Variants in ZNF385D observed in about 807,000 individuals in gnomAD.
ZNF385D encodes the protein zinc finger protein 385D.
Under a neutral mutation model 35.8 loss-of-function variants are expected in ZNF385D, and 15 were observed. The observed-to-expected ratio is 0.42, with a 90% confidence interval of 0.28 to 0.64. The LOEUF (loss-of-function observed/expected upper bound fraction) is 0.64, where lower values mean the gene tolerates loss of function less well. ZNF385D is among the 30% of genes least tolerant of loss of function. ZNF385D has a pLI of 0.23. For synonymous variants in ZNF385D, 212 were observed against 186.8 expected (o/e 1.13, Z -1.10); for missense variants, 474 against 494.6 (o/e 0.96, Z 0.39).
chr3:22,049,056 C>A lies in ZNF385D; in HGVS notation c.325+119761G>T, dbSNP rs80259150. ...TCAGGCCTGTAATCCCAGCACTGTGCGAGGCCTATGTGGGTGGATAATTTC... is the reference window on the plus strand; with the variant it reads ...TCAGGCCTGTAATCCCAGCACTGTGAGAGGCCTATGTGGGTGGATAATTTC... On this transcript the variant is annotated intron_variant, in intron 3 of 5. Transcript: ENST00000494108. Among the ~76,000 whole-genome samples the A allele has an allele frequency of 3.1e-3, 466 of 151,876 alleles. 1 individual carries two copies. The highest frequency in any genetic ancestry group is 3.2e-3 in the Non-Finnish European group (220 of 67,950).
chr3:22,108,337 G>T (rs188921749), intron 3 of ZNF385D, among the ~76,000 whole-genome samples: 1 of 151,884 alleles, frequency 6.6e-6, no homozygotes, highest in Non-Finnish European at 1.5e-5. Context: ...TATTAACACA[G>T]AAACTATACA....
chr3:22,142,243 TA>T (rs903161330), intron 3 of ZNF385D, among the ~76,000 whole-genome samples: 4 of 152,100 alleles, frequency 2.6e-5, no homozygotes, highest in Admixed American at 1.3e-4. Flanking sequence ...TGTTTTTAAC[TA>T]AAAAAAATTT....
chr3:22,145,774 A>C (rs957693810), intron 3 of ZNF385D, among the ~76,000 whole-genome samples: 35 of 152,224 alleles, frequency 2.3e-4, no homozygotes, highest in African/African-American at 8.0e-4. Context: ...TTCAGAGAGT[A>C]GAGAGCCTAA....
intron 3 of ZNF385D, among the ~76,000 whole-genome samples, chr3:22,006,764 T>C (rs879721712): frequency 6.6e-6 from 1 of 151,942 alleles, no homozygotes; most frequent in Non-Finnish European, 1.5e-5. Context: ...TAAACATCTC[T>C]TGAAATATAT....
chr3:21,442,263 A>G (rs1701900478), intron 4 of ZNF385D, among the ~76,000 whole-genome samples: 1 of 152,154 alleles, frequency 6.6e-6, no homozygotes, highest in South Asian at 2.1e-4. Flanking sequence ...TGGAAAAACC[A>G]TAGGTGAGTT....
intron 3 of ZNF385D, among the ~76,000 whole-genome samples, chr3:21,927,407 TG>T (rs1336247330): frequency 7.2e-5 from 11 of 152,192 alleles, no homozygotes; most frequent in African/African-American, 2.7e-4. Context: ...CATAAAAATC[TG>T]TGTGCAACAG....
At chr3:22,333,234 G>C (rs1695017942) in intron 2 of ZNF385D, among the ~76,000 whole-genome samples, 1 of 152,036 alleles carries the variant, frequency 6.6e-6, no homozygotes, top group African/African-American at 2.4e-5. Flanking sequence ...ATTTTTCTCA[G>C]CCGCTGGCTT....
At chr3:22,019,684 G>A (rs1697109816) in intron 3 of ZNF385D, among the ~76,000 whole-genome samples, 1 of 151,828 alleles carries the variant, frequency 6.6e-6, no homozygotes, top group African/African-American at 2.4e-5. Context: ...ATCCCCCAAA[G>A]TTCTGGTTAA....
chr3:22,123,928 C>A lies in ZNF385D; in HGVS notation c.325+44889G>T, dbSNP rs990167635. ...AAAACTAGAGCTAGACTCCATCTCTCTCTCTCTCTCTCTCTCTCTCTCTCT... is the reference window on the plus strand; with the variant it reads ...AAAACTAGAGCTAGACTCCATCTCTATCTCTCTCTCTCTCTCTCTCTCTCT... On this transcript the variant is annotated intron_variant, in intron 3 of 5. Coordinates refer to the ZNF385D transcript ENST00000494108. Among the ~76,000 whole-genome samples the A allele has an allele frequency of 3.8e-3, 232 of 60,704 alleles. 1 individual carries two copies. The highest frequency in any genetic ancestry group is 0.012 in the African/African-American group (217 of 17,946). 39.8% of individuals were successfully genotyped at this position (60,704 alleles called of 152,430 possible). A position where few individuals can be genotyped will look rare whatever the true frequency, so the allele number is the denominator to read the frequency against.
intron 3 of ZNF385D, among the ~76,000 whole-genome samples, chr3:21,837,656 G>A (rs1237768311): frequency 4.6e-5 from 7 of 152,022 alleles, no homozygotes; most frequent in Non-Finnish European, 8.8e-5. Flanking sequence ...GGCAGATCAC[G>A]AGGTTAAGAG....
In ZNF385D at chr3:21,664,964, T is replaced by C. The variant is rs1446733311; in HGVS notation, c.87A>G (p.Pro29=). 4.3e-6 allele frequency: 7 copies of C among 1,613,436 alleles called. No individual in the cohort carries two copies. Among genetic ancestry groups the C allele is most frequent in the African/African-American group, 1.3e-5 (1 of 74,840 alleles). ...LVRPPAPPLQ[P]SLDIKPFLPF... Reference sequence around the variant, plus strand: ...GAAGAAATGGTTTAATATCCAGCGATGGTTGCAAAGGAGGGGCTGGTGGAC... The same window carrying C: ...GAAGAAATGGTTTAATATCCAGCGACGGTTGCAAAGGAGGGGCTGGTGGAC... The change falls in exon 2 of 8, where the codon CCA becomes CCG. Residue 29 remains proline, a synonymous_variant. Transcript: ENST00000281523.
chr3:21,930,653 A>C (rs1223921283), intron 3 of ZNF385D, among the ~76,000 whole-genome samples: 3 of 152,180 alleles, frequency 2.0e-5, no homozygotes, highest in East Asian at 1.9e-4. Context: ...CAGAACTAAG[A>C]TGAGAAATTA....
At chr3:21,671,305 A>G (rs1242216155) in intron 1 of ZNF385D, among the ~76,000 whole-genome samples, 2 of 152,090 alleles carry the variant, frequency 1.3e-5, no homozygotes, top group Non-Finnish European at 2.9e-5. Context: ...TCCTTTCCAA[A>G]TTTAAGAATA....
chr3:22,294,078 G>T (rs1381971351), intron 2 of ZNF385D, among the ~76,000 whole-genome samples: 1 of 151,738 alleles, frequency 6.6e-6, no homozygotes, highest in East Asian at 1.9e-4. Context: ...ATTTGGAGGA[G>T]GAGGAATGTT....
At chr3:22,368,746 C>A (rs767330781) in intron 2 of ZNF385D, among the ~76,000 whole-genome samples, 3 of 152,190 alleles carry the variant, frequency 2.0e-5, no homozygotes, top group Non-Finnish European at 2.9e-5. Context: ...TAACCCGAAT[C>A]ATTTCTCAAA....
At chr3:22,180,575 A>G (rs1202136571) in intron 2 of ZNF385D, among the ~76,000 whole-genome samples, 2 of 152,178 alleles carry the variant, frequency 1.3e-5, no homozygotes, top group East Asian at 1.9e-4. Flanking sequence ...AACATCAAAA[A>G]GCTTATCCAC....
intron 3 of ZNF385D, among the ~76,000 whole-genome samples, chr3:21,805,944 T>C (rs1352975606): frequency 6.6e-6 from 1 of 152,204 alleles, no homozygotes; most frequent in Non-Finnish European, 1.5e-5. Flanking sequence ...AAGATGGCAA[T>C]CTGGGAGAGG....
chr3:21,702,873 C>T (rs1257075909), intron 1 of ZNF385D, among the ~76,000 whole-genome samples: 1 of 152,182 alleles, frequency 6.6e-6, no homozygotes, highest in African/African-American at 2.4e-5. Flanking sequence ...GAGACCACCT[C>T]AACCTGGACC....
At chr3:21,965,963 A>G (rs1383845429) in intron 3 of ZNF385D, among the ~76,000 whole-genome samples, 1 of 152,170 alleles carries the variant, frequency 6.6e-6, no homozygotes, top group African/African-American at 2.4e-5. Context: ...ATTCTTGTAA[A>G]TTTTCTGTAA....
Sources: allele counts gnomAD v4.1 joint callset (sites outside exome capture counted in the v4.1 genomes callset), GRCh38; gene constraint gnomAD v4.1.1; transcripts MANE v1.5; gene names NCBI Gene and HGNC (gene_info 2026-07-23, HGNC 2026-07-21).